STK3: variants seen among roughly 807,000 people sequenced by gnomAD.
The protein encoded by STK3 is serine/threonine-protein kinase 3.
STK3 carries 41 observed loss-of-function variants against 58.0 expected under a neutral mutation model. The ratio of observed to expected loss-of-function variants is 0.71; its 90% CI spans 0.55 to 0.92. STK3 has a LOEUF of 0.92. Among genes scored for constraint, STK3 ranks in the 40% least tolerant of loss-of-function variants. The probability of loss-of-function intolerance (pLI) is 0.00; values close to 1 mark genes in which losing one functional copy is unlikely to be tolerated. For missense variants in STK3, 479 were observed against 602.7 expected (o/e 0.79, Z 2.15); for synonymous variants, 170 against 191.0 (o/e 0.89, Z 0.91).
At chr8:98,821,728 C>T (rs559404609) in intron 1 of STK3, among the ~76,000 whole-genome samples, 2 of 151,432 alleles carry the variant, frequency 1.3e-5, no homozygotes, top group African/African-American at 4.8e-5. Flanking sequence ...AGTATGTTAA[C>T]GAAATCTAAG....
chr8:98,456,034 AATTATCCAC>A (rs1174905046), intron 10 of STK3, 34 bp from the exon 11 acceptor site: 1 of 1,558,978 alleles, frequency 6.4e-7, no homozygotes, highest in Non-Finnish European at 8.7e-7. Context: ...AATACAATGA[AATTATCCAC>A]ATTATCCACA....
intron 8 of STK3, among the ~76,000 whole-genome samples, chr8:98,571,585 G>A (rs1199489537): frequency 2.0e-5 from 3 of 152,160 alleles, no homozygotes; most frequent in Non-Finnish European, 4.4e-5. Flanking sequence ...ACAGCTCTGA[G>A]TTCAGACCAT....
chr8:98,565,283 T>C (rs1181759819), intron 8 of STK3, among the ~76,000 whole-genome samples: 2 of 152,156 alleles, frequency 1.3e-5, no homozygotes, highest in Non-Finnish European at 2.9e-5. Context: ...TGTTTGCTTT[T>C]TCCAAAAGCC....
At chr8:98,646,015 C>A (rs1185139793) in intron 6 of STK3, among the ~76,000 whole-genome samples, 2 of 152,108 alleles carry the variant, frequency 1.3e-5, no homozygotes, top group Non-Finnish European at 1.5e-5. Flanking sequence ...GAAAATTGCA[C>A]CTTTCTGAAC....
At chr8:98,903,550 CTTCTTCCT>C (rs1379020537) in intron 1 of STK3, among the ~76,000 whole-genome samples, 11 of 18,412 alleles carry the variant, frequency 6.0e-4, no homozygotes, top group South Asian at 3.6e-3. Flanking sequence ...TCTTCTTCTT[CTTCTTCCT>C]TTTTTTTTTT....
At chr8:98,907,204 AATAG>A (rs1388210778) in intron 1 of STK3, among the ~76,000 whole-genome samples, 5 of 151,588 alleles carry the variant, frequency 3.3e-5, no homozygotes, top group African/African-American at 9.7e-5. Flanking sequence ...TTCAAACACA[AATAG>A]AAGTATATAG....
At chr8:98,914,461 TACACAC>T (rs34753292) in intron 1 of STK3, among the ~76,000 whole-genome samples, 3,693 of 143,584 alleles carry the variant, frequency 0.026, 150 homozygotes, top group African/African-American at 0.089. Flanking sequence ...AGCACATGCC[TACACAC>T]ACACACACAC....
intron 3 of STK3, among the ~76,000 whole-genome samples, chr8:98,762,127 T>TC (rs1348630714): frequency 6.6e-5 from 10 of 152,122 alleles, no homozygotes; most frequent in African/African-American, 2.4e-4. Flanking sequence ...CCCACATACT[T>TC]CCCCATATCT....
intron 3 of STK3, among the ~76,000 whole-genome samples, chr8:98,842,030 A>T (rs571437701): frequency 6.6e-6 from 1 of 152,258 alleles, no homozygotes. Context: ...AAAAGATAGC[A>T]TTCACAAATA....
chr8:98,707,413 T>C (rs1587368760), intron 4 of STK3, 102 bp from the exon 5 acceptor site: 1 of 916,998 alleles, frequency 1.1e-6, no homozygotes, highest in East Asian at 2.8e-5. Context: ...TGTGTGTGTG[T>C]GTTTTTTTTT....
chr8:98,646,489 A>C (rs921026916), intron 6 of STK3, among the ~76,000 whole-genome samples: 26 of 152,218 alleles, frequency 1.7e-4, no homozygotes, highest in African/African-American at 5.5e-4. Context: ...TGCAAAAGAG[A>C]AGACAGCAGT....
chr8:98,863,948 G>A (rs112825471), intron 3 of STK3, among the ~76,000 whole-genome samples: 4,404 of 152,142 alleles, frequency 0.029, 95 homozygotes, highest in Non-Finnish European at 0.045. Context: ...TGTAATCCCA[G>A]CACTTTGGGA....
chr8:98,508,235 T>C (rs934228932), intron 10 of STK3, among the ~76,000 whole-genome samples: 5 of 152,124 alleles, frequency 3.3e-5, no homozygotes, highest in African/African-American at 1.2e-4. Flanking sequence ...AGACTTCAAG[T>C]TTTTATCTAT....
chr8:98,869,509 G>T (rs891519175), intron 3 of STK3, among the ~76,000 whole-genome samples: 1 of 152,114 alleles, frequency 6.6e-6, no homozygotes, highest in Non-Finnish European at 1.5e-5. Flanking sequence ...TCAATGATAG[G>T]TGTCCTTATA....
intron 7 of STK3, among the ~76,000 whole-genome samples, chr8:98,584,282 T>C (rs1453414772): frequency 6.7e-6 from 1 of 148,894 alleles, no homozygotes. Context: ...CAGAGTGTGA[T>C]GTTCCCCTTC....
chr8:98,528,103 T>C (rs1353417170), intron 9 of STK3, among the ~76,000 whole-genome samples: 1 of 152,156 alleles, frequency 6.6e-6, no homozygotes, highest in African/African-American at 2.4e-5. Flanking sequence ...TTTTCTCTAC[T>C]TATCATTGCA....
At chr8:98,799,917 C>T (rs1460332722) in intron 1 of STK3, among the ~76,000 whole-genome samples, 2 of 152,204 alleles carry the variant, frequency 1.3e-5, no homozygotes, top group Non-Finnish European at 2.9e-5. Flanking sequence ...TAGACCTCCT[C>T]ACTGCTGAGA....
In STK3 at chr8:98,621,368, A is replaced by G. The variant is rs140845512; in HGVS notation, c.685-25199T>C. Reference sequence around the variant, plus strand: ...TACAAAAGGAGATGGTTTCATTTCTACCTTTCCAATCTGTATGCCTTTTCC... The same window carrying G: ...TACAAAAGGAGATGGTTTCATTTCTGCCTTTCCAATCTGTATGCCTTTTCC... On this transcript the variant is annotated intron_variant, in intron 6 of 10. Transcript: ENST00000419617. 3.7e-3 allele frequency among the ~76,000 whole-genome samples: 563 copies of G among 152,078 alleles called. 1 individual carries two copies. Among genetic ancestry groups the G allele is most frequent in the African/African-American group, 0.013 (540 of 41,482 alleles).
At chr8:98,792,171 G>A (rs1012619125) in intron 1 of STK3, among the ~76,000 whole-genome samples, 1 of 152,124 alleles carries the variant, frequency 6.6e-6, no homozygotes, top group Non-Finnish European at 1.5e-5. Context: ...ATTCTCAAAA[G>A]AAGATATACG....
Sources: allele counts gnomAD v4.1 joint callset (sites outside exome capture counted in the v4.1 genomes callset), GRCh38; gene constraint gnomAD v4.1.1; transcripts MANE v1.5; gene names NCBI Gene and HGNC (gene_info 2026-07-23, HGNC 2026-07-21).